Variants in DISC1 observed in about 807,000 individuals in gnomAD.
DISC1 encodes the protein disrupted in schizophrenia 1 protein.
A neutral mutation model predicts 84.5 loss-of-function variants in DISC1; 57 were observed. That is an observed-to-expected ratio of 0.67 (90% CI 0.55 to 0.84). The LOEUF (loss-of-function observed/expected upper bound fraction) is 0.84. DISC1 is among the 40% of genes least tolerant of loss of function. The pLI is 0.00. For missense variants in DISC1, 1,000 were observed against 1,057.8 expected (o/e 0.95, Z 0.76); for synonymous variants, 411 against 415.2 (o/e 0.99, Z 0.12).
chr1:231,820,745 T>C (rs1410120835), intron 9 of DISC1, among the ~76,000 whole-genome samples: 1 of 152,228 alleles, frequency 6.6e-6, no homozygotes, highest in East Asian at 1.9e-4. Context: ...AGTACGCTTT[T>C]AGAAATCTGC....
intron 9 of DISC1, among the ~76,000 whole-genome samples, chr1:231,886,983 T>C (rs771124742): frequency 2.4e-4 from 36 of 151,468 alleles, no homozygotes; most frequent in Non-Finnish European, 4.6e-4. Flanking sequence ...TGCCTCAGCC[T>C]CCCGAGTACC....
chr1:231,846,522 G>A (rs566510640), intron 9 of DISC1, among the ~76,000 whole-genome samples: 41 of 152,290 alleles, frequency 2.7e-4, no homozygotes, highest in African/African-American at 9.4e-4. Context: ...ACAGAAAATC[G>A]TCGCATTCTC....
intron 10 of DISC1, among the ~76,000 whole-genome samples, chr1:231,962,339 C>A (rs1485858500): frequency 2.0e-5 from 3 of 152,070 alleles, no homozygotes; most frequent in Non-Finnish European, 4.4e-5. Context: ...TGTCTGTTTA[C>A]TCTGTTGATA....
chr1:231,853,485 A>G (rs2125905835), intron 9 of DISC1, among the ~76,000 whole-genome samples: 1 of 152,356 alleles, frequency 6.6e-6, no homozygotes, highest in Middle Eastern at 3.4e-3. Context: ...ATCTGAACAT[A>G]TCTAAACAGA....
chr1:231,681,713 T>C (rs79098304), intron 1 of DISC1, among the ~76,000 whole-genome samples: 1 of 152,036 alleles, frequency 6.6e-6, no homozygotes, highest in Non-Finnish European at 1.5e-5. Context: ...TTTTTTTTTT[T>C]AGAAGGAGTT....
chr1:231,815,530 A>G (rs2080854442), intron 8 of DISC1, among the ~76,000 whole-genome samples: 1 of 152,154 alleles, frequency 6.6e-6, no homozygotes, highest in Admixed American at 6.6e-5. Flanking sequence ...CGAGGTCAGG[A>G]GTTTGAGAAC....
chr1:231,851,072 G>A (rs2083862840), intron 9 of DISC1, among the ~76,000 whole-genome samples: 1 of 152,158 alleles, frequency 6.6e-6, no homozygotes, highest in Admixed American at 6.5e-5. Flanking sequence ...AAGGGGGCCT[G>A]CCTTCCACAG....
In DISC1 at chr1:231,633,499, G is replaced by A. The variant is rs188889041; in HGVS notation, c.67+6565G>A. 2.2e-4 allele frequency among the ~76,000 whole-genome samples: 34 copies of A among 152,274 alleles called. 1 individual carries two copies. The highest frequency in any genetic ancestry group is 3.9e-4 in the Admixed American group (6 of 15,296). ...GGGATTGTGCAGGATTTGAGCTACTGTGTAAATTTCCTATTCCCTGCTCAT... is the reference window on the plus strand; with the variant it reads ...GGGATTGTGCAGGATTTGAGCTACTATGTAAATTTCCTATTCCCTGCTCAT... On this transcript the variant is annotated intron_variant, in intron 1 of 12. Transcript: ENST00000439617.
At chr1:231,700,274 G>A (rs2066249178) in intron 2 of DISC1, among the ~76,000 whole-genome samples, 1 of 152,172 alleles carries the variant, frequency 6.6e-6, no homozygotes, top group African/African-American at 2.4e-5. Flanking sequence ...GAGACAGCAA[G>A]AACAACCTCT....
chr1:231,956,542 A>AT (rs370007746), intron 9 of DISC1, among the ~76,000 whole-genome samples: 430 of 151,990 alleles, frequency 2.8e-3, no homozygotes, highest in Non-Finnish European at 4.9e-3. Flanking sequence ...GGTCAATCTC[A>AT]TTTTTTTCTT....
At chr1:231,714,292 A>G (rs1573145609) in intron 3 of DISC1, among the ~76,000 whole-genome samples, 2 of 152,282 alleles carry the variant, frequency 1.3e-5, no homozygotes, top group Middle Eastern at 3.4e-3. Context: ...ATACACCCAT[A>G]TATCTGTGTC....
chr1:231,691,973 G>T (rs2065077616), intron 1 of DISC1, among the ~76,000 whole-genome samples: 1 of 152,014 alleles, frequency 6.6e-6, no homozygotes, highest in African/African-American at 2.4e-5. Flanking sequence ...AAGAAAGAAA[G>T]AAAAAAATGA....
chr1:231,877,225 C>T (rs1441832532), intron 9 of DISC1, among the ~76,000 whole-genome samples: 1 of 152,212 alleles, frequency 6.6e-6, no homozygotes, highest in African/African-American at 2.4e-5. Flanking sequence ...ACTGCAGAGA[C>T]CAACCTTGTA....
chr1:231,772,601 G>A (rs7534681), intron 6 of DISC1, among the ~76,000 whole-genome samples: 81,998 of 152,030 alleles, frequency 0.54, 22,979 homozygotes, highest in Non-Finnish European at 0.62. Context: ...TGGATGAACC[G>A]AGGTAGTACA....
rs1669976613 is a variant in DISC1, at chr1:232,031,109, A to AGAAGGAGGGAGGGAAGGAAGGAAG, written c.2425+4569_2425+4592dup. ...GGGCAACAAAGTAAGACACTGCCAA[A>AGAAGGAGGGAGGGAAGGAAGGAAG]GAAGGAGGGAGGGAAGGAAGGAAGG... On this transcript the variant is annotated intron_variant, in intron 12 of 12. Transcript: ENST00000439617. This position sits in a 1 kb window ranked among gnomAD's most constrained non-coding sequence, Gnocchi z 4.6. 1.3e-5 allele frequency among the ~76,000 whole-genome samples: 2 copies of AGAAGGAGGGAGGGAAGGAAGGAAG among 151,082 alleles called. No individual in the cohort carries two copies. The highest frequency in any genetic ancestry group is 4.9e-5 in the African/African-American group (2 of 40,968).
intron 9 of DISC1, among the ~76,000 whole-genome samples, chr1:231,824,648 T>C (rs973949029): frequency 7.2e-5 from 11 of 152,188 alleles, no homozygotes; most frequent in Admixed American, 7.2e-4. Flanking sequence ...TGATAATTCT[T>C]TTGGGAGGCA....
Position 232,036,854 on chromosome 1 carries a change from A to AGGGGGGGGGGG in DISC1, c.*25_*26insGGGGGGGGGGG. 2.0e-6 allele frequency: 2 copies of AGGGGGGGGGGG among 1,011,258 alleles called. No homozygotes were observed. Among genetic ancestry groups the AGGGGGGGGGGG allele is most frequent in the Non-Finnish European group, 2.7e-6 (2 of 727,612 alleles). The allele number at this position is 1,011,258 out of a possible 1,614,324, so 62.6% of individuals were successfully genotyped here. A position where few individuals can be genotyped will look rare whatever the true frequency, so the allele number is the denominator to read the frequency against. ...TGAGGAGTGACGGGATGGGGGAGGGAGGTGGGCCACCATGTTTGGACCCGG... is the reference window on the plus strand; with the variant it reads ...TGAGGAGTGACGGGATGGGGGAGGGAGGGGGGGGGGGGGTGGGCCACCATGTTTGGACCCGG... On this transcript the variant is annotated 3_prime_UTR_variant, in exon 13 of 13. Coordinates refer to ENST00000439617, the MANE Select transcript of DISC1 (RefSeq NM_018662.3).
At chr1:231,685,062 C>T (rs893626577) in intron 1 of DISC1, 4 of 152,312 alleles carry the variant, frequency 2.6e-5, no homozygotes, top group African/African-American at 4.8e-5. Flanking sequence ...GGATGGTATC[C>T]GTTGGTGAAT....
Position 231,988,545 on chromosome 1 carries a change from C to G in DISC1, c.2043-20240C>G, listed in dbSNP as rs2794272. 4.6e-3 allele frequency among the ~76,000 whole-genome samples: 700 copies of G among 152,200 alleles called. 4 individuals carry two copies. The highest frequency in any genetic ancestry group is 0.01 in the Middle Eastern group (3 of 294). On this transcript the variant is annotated intron_variant, in intron 10 of 12. Transcript: ENST00000439617. ...GATTAGCGCCTGTATAAAAGAGGGC[C>G]CAGGGGGCTCCCATATTCCTTTCAC...
Sources: allele counts gnomAD v4.1 joint callset (sites outside exome capture counted in the v4.1 genomes callset), GRCh38; gene constraint gnomAD v4.1.1; non-coding constraint Gnocchi (gnomAD v3.1); transcripts MANE v1.5; gene names NCBI Gene and HGNC (gene_info 2026-07-23, HGNC 2026-07-21).